The following PDS5B variants were observed in gnomAD, a reference collection of about 807,000 sequenced individuals.
PDS5B encodes the protein sister chromatid cohesion protein PDS5 homolog B.
Under a neutral mutation model 184.1 loss-of-function variants are expected in PDS5B, and 51 were observed. The ratio of observed to expected loss-of-function variants is 0.28; its 90% CI spans 0.22 to 0.35. The LOEUF (loss-of-function observed/expected upper bound fraction) is 0.35, where lower values mean the gene tolerates loss of function less well. Among genes scored for constraint, PDS5B ranks in the 10% least tolerant of loss-of-function variants. The pLI, the probability that PDS5B is intolerant of heterozygous loss-of-function variation, is 1.00. For synonymous variants in PDS5B, 566 were observed against 569.2 expected (o/e 0.99, Z 0.08); for missense variants, 1,180 against 1,723.3 (o/e 0.68, Z 5.58).
At chr13:32,589,156 T>C (rs548323894) in intron 1 of PDS5B, among the ~76,000 whole-genome samples, 152 of 152,352 alleles carry the variant, frequency 1.0e-3, no homozygotes, top group African/African-American at 3.4e-3. Flanking sequence ...AACTCACTTA[T>C]ACATGAGAAA....
At chr13:32,766,837 C>CT (rs1194742435) in intron 31 of PDS5B, among the ~76,000 whole-genome samples, 2 of 152,056 alleles carry the variant, frequency 1.3e-5, no homozygotes, top group African/African-American at 4.8e-5. Context: ...ATTGGGTTTT[C>CT]TTTTTACCAC....
intron 1 of PDS5B, among the ~76,000 whole-genome samples, chr13:32,610,402 A>C (rs1357563424): frequency 6.6e-6 from 1 of 152,162 alleles, no homozygotes; most frequent in Non-Finnish European, 1.5e-5. Context: ...TTAAGGTGTA[A>C]TGTCTTGATG....
intron 31 of PDS5B, among the ~76,000 whole-genome samples, chr13:32,769,469 C>T (rs998563693): frequency 2.6e-5 from 4 of 152,182 alleles, no homozygotes; most frequent in African/African-American, 7.2e-5. Context: ...CGCTGGTTCA[C>T]ATATAGATTC....
intron 1 of PDS5B, among the ~76,000 whole-genome samples, chr13:32,624,873 A>G (rs142755363): frequency 1.3e-5 from 2 of 152,270 alleles, no homozygotes; most frequent in African/African-American, 4.8e-5. Flanking sequence ...AGTGCATACT[A>G]CTTACTGTTC....
chr13:32,660,127 C>CCT (rs1950605384), intron 6 of PDS5B, among the ~76,000 whole-genome samples: 1 of 152,104 alleles, frequency 6.6e-6, no homozygotes, highest in Non-Finnish European at 1.5e-5. Context: ...TCTTCCCACC[C>CCT]CTCACTCCTT....
At chr13:32,738,300 T>C (rs995155537) in intron 21 of PDS5B, among the ~76,000 whole-genome samples, 4 of 152,230 alleles carry the variant, frequency 2.6e-5, no homozygotes, top group African/African-American at 4.8e-5. Flanking sequence ...TAAGTCATTT[T>C]TTATAATGTT....
intron 19 of PDS5B, among the ~76,000 whole-genome samples, chr13:32,713,726 T>C (rs906755511): frequency 6.6e-6 from 1 of 152,070 alleles, no homozygotes. Flanking sequence ...AGTAGAATAA[T>C]GGGAAATGGA....
chr13:32,613,814 T>C (rs2140516032), intron 1 of PDS5B, among the ~76,000 whole-genome samples: 1 of 152,346 alleles, frequency 6.6e-6, no homozygotes, highest in African/African-American at 2.4e-5. Flanking sequence ...CTGTCTAATC[T>C]AGGGTTGTAA....
At chr13:32,762,721 G>T (rs991349398) in intron 30 of PDS5B, among the ~76,000 whole-genome samples, 3 of 151,812 alleles carry the variant, frequency 2.0e-5, no homozygotes, top group Admixed American at 2.0e-4. Context: ...CTTTTTTTCT[G>T]TGCAATGTTT....
Position 32,773,319 on chromosome 13 carries a change from G to A in PDS5B, c.4303G>A (p.Val1435Ile), listed in dbSNP as rs538257707. 1.2e-6 allele frequency: 2 copies of A among 1,609,242 alleles called. 1 individual carries two copies. The highest frequency in any genetic ancestry group is 3.4e-5 in the Admixed American group (2 of 58,968). The change falls in exon 34 of 35, where the codon GTA becomes ATA. Residue 1435 changes from valine (V) to isoleucine (I), a missense_variant. Coordinates refer to ENST00000315596, the MANE Select transcript of PDS5B (RefSeq NM_015032.4). Reference protein sequence around the residue: ...EETEEEEVSTVNVRRRSAKRE... With the variant: ...EETEEEEVSTINVRRRSAKRE... ...AACAGAGGAGGAGGAAGTTTCTACA[G>A]TAAATGTATGTGTTCAAAGTTTCTG...
intron 20 of PDS5B, among the ~76,000 whole-genome samples, chr13:32,734,128 A>G (rs1193419114): frequency 6.6e-6 from 1 of 151,664 alleles, no homozygotes; most frequent in African/African-American, 2.4e-5. Flanking sequence ...TTCTTGTTCA[A>G]GTGATTTTCC....
At chr13:32,669,896 C>T (rs1173308630) in intron 7 of PDS5B, among the ~76,000 whole-genome samples, 1 of 152,068 alleles carries the variant, frequency 6.6e-6, no homozygotes, top group African/African-American at 2.4e-5. Context: ...CATTTCAGAC[C>T]TTTATAATTA....
chr13:32,599,281 C>T (rs1474659627), intron 1 of PDS5B, among the ~76,000 whole-genome samples: 8 of 150,614 alleles, frequency 5.3e-5, no homozygotes, highest in Admixed American at 1.3e-4. Flanking sequence ...ATTTTTTTTG[C>T]GAGATTGCAT....
At chr13:32,666,241 C>G (rs956042140) in intron 6 of PDS5B, among the ~76,000 whole-genome samples, 3 of 151,998 alleles carry the variant, frequency 2.0e-5, no homozygotes, top group African/African-American at 7.3e-5. Context: ...CCACCACGCC[C>G]GGCTGATTTT....
intron 13 of PDS5B, among the ~76,000 whole-genome samples, chr13:32,691,622 A>T (rs887494726): frequency 1.3e-5 from 2 of 152,058 alleles, no homozygotes; most frequent in African/African-American, 2.4e-5. Context: ...TCCTTCAGAG[A>T]TAGTTACTTC....
At chr13:32,595,537 G>C (rs751202376) in intron 1 of PDS5B, among the ~76,000 whole-genome samples, 1 of 152,102 alleles carries the variant, frequency 6.6e-6, no homozygotes, top group East Asian at 1.9e-4. Flanking sequence ...GTAACACATA[G>C]CATGGGATTT....
At chr13:32,699,518 C>T (rs192294960) in intron 15 of PDS5B, among the ~76,000 whole-genome samples, 1 of 152,068 alleles carries the variant, frequency 6.6e-6, no homozygotes. Context: ...GCATATATGT[C>T]CCTTCACAAT....
chr13:32,667,000 T>G (rs1264173888), intron 6 of PDS5B, among the ~76,000 whole-genome samples: 1 of 152,144 alleles, frequency 6.6e-6, no homozygotes, highest in African/African-American at 2.4e-5. Context: ...AAGAATCTAG[T>G]ATATCTAAAC....
chr13:32,711,235 C>T (rs562081488), intron 19 of PDS5B, among the ~76,000 whole-genome samples: 12 of 152,210 alleles, frequency 7.9e-5, no homozygotes, highest in African/African-American at 2.9e-4. Context: ...TATCACCTGC[C>T]CGCCTCAGCC....
Sources: allele counts gnomAD v4.1 joint callset (sites outside exome capture counted in the v4.1 genomes callset), GRCh38; gene constraint gnomAD v4.1.1; transcripts MANE v1.5; gene names NCBI Gene and HGNC (gene_info 2026-07-23, HGNC 2026-07-21).